PARG: variants seen among roughly 807,000 people sequenced by gnomAD.
The protein encoded by PARG is poly(ADP-ribose) glycohydrolase.
Under a neutral mutation model 113.0 loss-of-function variants are expected in PARG, and 35 were observed. That is an observed-to-expected ratio of 0.31 (90% CI 0.24 to 0.41). The LOEUF (loss-of-function observed/expected upper bound fraction) is 0.41, where lower values mean the gene tolerates loss of function less well. Ranked by LOEUF, PARG falls within the 10% of genes least tolerant of loss-of-function variation. The pLI is 1.00. For missense variants in PARG, 797 were observed against 1,169.4 expected, an observed-to-expected ratio of 0.68 and a Z score of 4.64; for synonymous variants, 330 against 409.9, an observed-to-expected ratio of 0.81 and a Z score of 2.36.
intron 4 of PARG, among the ~76,000 whole-genome samples, chr10:49,927,369 GGAAAGAAAGAAAGAAAGAAAGAAAGAAA>G (rs200282973): frequency 2.1e-4 from 27 of 130,764 alleles, no homozygotes; most frequent in Non-Finnish European, 3.8e-4. Flanking sequence ...AAGGAAAGAA[GGAAAGAAAGAAAGAAAGAAAGAAAGAAA>G]GAAAGAAAGA....
chr10:49,839,257 T>C (rs1236247566), intron 15 of PARG, among the ~76,000 whole-genome samples: 1 of 151,654 alleles, frequency 6.6e-6, no homozygotes, highest in Non-Finnish European at 1.5e-5. Context: ...GAATCACTTG[T>C]ACCCGGGAGG....
At chr10:49,830,842 C>T (rs1429778255) in intron 16 of PARG, among the ~76,000 whole-genome samples, 3 of 152,048 alleles carry the variant, frequency 2.0e-5, no homozygotes, top group Non-Finnish European at 4.4e-5. Context: ...ATTAATCTCA[C>T]CTCTAGGAAT....
At chr10:49,874,351 G>T (rs1234707266) in intron 9 of PARG, among the ~76,000 whole-genome samples, 9 of 152,338 alleles carry the variant, frequency 5.9e-5, no homozygotes, top group East Asian at 1.9e-4. Context: ...GCAGTTGCAT[G>T]GTTCTAATTA....
intron 15 of PARG, among the ~76,000 whole-genome samples, chr10:49,841,144 T>C (rs1348634357): frequency 6.6e-6 from 1 of 151,948 alleles, no homozygotes; most frequent in Non-Finnish European, 1.5e-5. Context: ...TCTCAGTTAC[T>C]TGGGAGGCTG....
At chr10:49,922,862 TA>T (rs1837959351) in intron 4 of PARG, among the ~76,000 whole-genome samples, 193 bp from the exon 5 acceptor site, 1 of 152,208 alleles carries the variant, frequency 6.6e-6, no homozygotes, top group Non-Finnish European at 1.5e-5. Flanking sequence ...ATATAGTATA[TA>T]TTCTAGCTCC....
At chr10:49,931,778 T>C (rs1838494275) in intron 4 of PARG, among the ~76,000 whole-genome samples, 1 of 150,922 alleles carries the variant, frequency 6.6e-6, no homozygotes, top group Non-Finnish European at 1.5e-5. Flanking sequence ...TAGGGACGAA[T>C]GCAGGATTCT....
At chr10:49,934,598 C>T (rs1448734101) in intron 2 of PARG, among the ~76,000 whole-genome samples, 2 of 152,050 alleles carry the variant, frequency 1.3e-5, no homozygotes, top group Non-Finnish European at 1.5e-5. Flanking sequence ...ACCTGTAATC[C>T]CAGCACTTTG....
chr10:49,915,051 T>G (rs1479216069), intron 7 of PARG, among the ~76,000 whole-genome samples: 2 of 152,102 alleles, frequency 1.3e-5, no homozygotes, highest in Non-Finnish European at 2.9e-5. Flanking sequence ...TATAAAATTC[T>G]TAGAAGAAAC....
chr10:49,838,584 GA>G lies in PARG; in HGVS notation c.2541+3365del, dbSNP rs533577989. ...CTCACTGTCTCTAAATGAGAGACAA[GA>G]AAAATAGTTATGCCTCCCTGAGTGG... On this transcript the variant is annotated intron_variant, in intron 15 of 17. Coordinates refer to ENST00000616448, the MANE Select transcript of PARG (RefSeq NM_003631.5). Among the ~76,000 whole-genome samples, 6 of 151,784 alleles carry G rather than the reference GA, an allele frequency of 4.0e-5. No homozygotes were observed. The South Asian group carries it at 1.0e-3, about 26-fold the overall frequency.
At chr10:49,856,251 C>T (rs1845981356) in intron 13 of PARG, among the ~76,000 whole-genome samples, 1 of 151,692 alleles carries the variant, frequency 6.6e-6, no homozygotes, top group Admixed American at 6.6e-5. Context: ...GCGATCTCAG[C>T]TCACTGCAAC....
At chr10:49,824,681 AC>A (rs1435131206) in intron 16 of PARG, among the ~76,000 whole-genome samples, 9 of 152,208 alleles carry the variant, frequency 5.9e-5, no homozygotes, top group Non-Finnish European at 1.3e-4. Context: ...AACTGCTAAC[AC>A]TGGGCTCTTA....
rs1346676086 is a variant in PARG at position 49,941,680 on chromosome 10, A to T, written c.46T>A (p.Trp16Arg). The T allele has an allele frequency of 1.9e-6, 3 of 1,594,312 alleles. No individual in the cohort carries two copies. The highest frequency in any genetic ancestry group is 1.7e-5 in the Admixed American group (1 of 58,314). ...GCCGGCGAAGTTGTAGCGGCGCCCC[A>T]GCGGGGTCGCTTGGTGCAGGGTTCA... ...GCEPCTKRPR[W>R]GAATTSPAAS... is the part of the protein sequence containing the mutation. The change falls in exon 1 of 18, where the codon TGG (tryptophan) becomes AGG (arginine). Residue 16 changes from tryptophan to arginine, a missense_variant. Coordinates refer to ENST00000616448, the MANE Select transcript of PARG (RefSeq NM_003631.5).
chr10:49,887,053 T>C (rs1158705519), intron 7 of PARG, among the ~76,000 whole-genome samples: 1 of 151,872 alleles, frequency 6.6e-6, no homozygotes, highest in African/African-American at 2.4e-5. Flanking sequence ...TTTATCTTTT[T>C]TTTTTTTTTT....
chr10:49,868,578 T>C (rs1352826797), intron 10 of PARG, among the ~76,000 whole-genome samples: 1 of 152,080 alleles, frequency 6.6e-6, no homozygotes, highest in Non-Finnish European at 1.5e-5. Flanking sequence ...ATGAGAAAAA[T>C]GACCTTAAAA....
At position 49,856,342 on chromosome 10, in the gene PARG, G is replaced by C. The variant is rs554551476; in HGVS notation, c.2353+964C>G. Among the ~76,000 whole-genome samples, 18 of 151,794 alleles carry C rather than the reference G, an allele frequency of 1.2e-4. No individual in the cohort carries two copies. In the East Asian group the frequency reaches 3.5e-3, roughly 30 times the overall value. On this transcript the variant is annotated intron_variant, in intron 13 of 17. Coordinates refer to ENST00000616448, the MANE Select transcript of PARG (RefSeq NM_003631.5). ...TTACAGGCACCCACCACCGTGCCTGGCTAATTTTTGTATTTTTAGTAGAGA... is the reference window on the plus strand; with the variant it reads ...TTACAGGCACCCACCACCGTGCCTGCCTAATTTTTGTATTTTTAGTAGAGA...
intron 15 of PARG, among the ~76,000 whole-genome samples, chr10:49,839,448 C>G (rs1472480641): frequency 6.6e-6 from 1 of 152,110 alleles, no homozygotes; most frequent in Non-Finnish European, 1.5e-5. Flanking sequence ...TGAAATAAAA[C>G]TCCTGTTGCC....
At chr10:49,825,188 A>G (rs1467760491) in intron 16 of PARG, among the ~76,000 whole-genome samples, 2 of 151,926 alleles carry the variant, frequency 1.3e-5, no homozygotes, top group East Asian at 1.9e-4. Context: ...TTATTCTCCA[A>G]TTGGTCTTGT....
chr10:49,936,014 T>C (rs1838722924), intron 1 of PARG, among the ~76,000 whole-genome samples: 1 of 152,150 alleles, frequency 6.6e-6, no homozygotes, highest in Non-Finnish European at 1.5e-5. Flanking sequence ...AGGAAGCTAC[T>C]AGTCCAGGTC....
chr10:49,917,544 T>C (rs185124842), intron 6 of PARG, among the ~76,000 whole-genome samples: 686 of 149,366 alleles, frequency 4.6e-3, no homozygotes, highest in East Asian at 0.019. Context: ...TTTTGGCCTG[T>C]ACGGTGGCTC....
Sources: allele counts gnomAD v4.1 joint callset (sites outside exome capture counted in the v4.1 genomes callset), GRCh38; gene constraint gnomAD v4.1.1; transcripts MANE v1.5; gene names NCBI Gene and HGNC (gene_info 2026-07-23, HGNC 2026-07-21).